The following EPB41L4B variants were observed in gnomAD, a reference collection of about 807,000 sequenced individuals.
EPB41L4B encodes band 4.1-like protein 4B.
A neutral mutation model predicts 112.5 loss-of-function variants in EPB41L4B; 30 were observed. That is an observed-to-expected ratio of 0.27 (90% CI 0.20 to 0.36). The LOEUF (loss-of-function observed/expected upper bound fraction) is 0.36. Ranked by LOEUF, EPB41L4B falls within the 10% of genes least tolerant of loss-of-function variation. The pLI, the probability that EPB41L4B is intolerant of heterozygous loss-of-function variation, is 1.00. For missense variants in EPB41L4B, 1,024 were observed against 1,133.3 expected, an observed-to-expected ratio of 0.90 and a Z score of 1.38; for synonymous variants, 408 against 439.7, an observed-to-expected ratio of 0.93 and a Z score of 0.90.
chr9:109,192,116 G>A (rs1004457818), intron 22 of EPB41L4B, among the ~76,000 whole-genome samples, 162 bp downstream of exon 22: 9 of 152,132 alleles, frequency 5.9e-5, no homozygotes, highest in Non-Finnish European at 8.8e-5. Flanking sequence ...GAGGTGGAGG[G>A]ACCCACAGTG....
intron 1 of EPB41L4B, among the ~76,000 whole-genome samples, chr9:109,314,968 C>A (rs190454955): frequency 1.3e-5 from 2 of 152,304 alleles, no homozygotes; most frequent in African/African-American, 4.8e-5. Context: ...CCCTCCCCAA[C>A]ACACTCACCC....
chr9:109,184,812 C>A lies in EPB41L4B; in HGVS notation c.2418+677G>T, dbSNP rs149847017. Reference sequence around the variant, plus strand: ...TGTTCTCCCAAATAATGACAAACTGCGAACAAAGCGCACATCCTGTAGTAA... The same window carrying A: ...TGTTCTCCCAAATAATGACAAACTGAGAACAAAGCGCACATCCTGTAGTAA... On this transcript the variant is annotated intron_variant, in intron 23 of 25. Coordinates refer to ENST00000374566, the MANE Select transcript of EPB41L4B (RefSeq NM_019114.5). Among the ~76,000 whole-genome samples the A allele has an allele frequency of 3.7e-3, 562 of 152,266 alleles. 5 individuals carry two copies. Among genetic ancestry groups the A allele is most frequent in the Non-Finnish European group, 6.8e-3 (463 of 68,020 alleles).
At chr9:109,299,442 A>AC (rs972496338) in intron 1 of EPB41L4B, among the ~76,000 whole-genome samples, 3 of 151,602 alleles carry the variant, frequency 2.0e-5, no homozygotes, top group Non-Finnish European at 4.4e-5. Context: ...TGCCTAGCTG[A>AC]TTTTTTTTCC....
In EPB41L4B at chr9:109,203,703, T is replaced by G. The variant is rs777937440; in HGVS notation, c.1906A>C (p.Asn636His). 1 of 1,614,060 alleles carries G rather than the reference T, an allele frequency of 6.2e-7. No individual in the cohort carries two copies. Among genetic ancestry groups the G allele is most frequent in the Admixed American group, 1.7e-5 (1 of 60,024 alleles). The stretch of plus-strand genomic sequence containing the variant: ...TGAAGACTGGATTTCTTATTGATAT[T>G]TACAAACGGTGATTCCTCCTTTCCA... ...QGGKEESPFVNINKKSSLQDA... is the reference protein window; with the variant it reads ...QGGKEESPFVHINKKSSLQDA... The change falls in exon 19 of 26, where the codon AAT becomes CAT. Residue 636 changes from asparagine to histidine, a missense_variant. Asn to His is a moderately conservative substitution (Grantham distance 68, BLOSUM62 1). Transcript: ENST00000374566.
intron 1 of EPB41L4B, among the ~76,000 whole-genome samples, chr9:109,316,917 T>C (rs191909412): frequency 1.5e-3 from 227 of 152,116 alleles, no homozygotes; most frequent in African/African-American, 5.3e-3. Context: ...GCCAGGGCAA[T>C]ACAGTGAGAC....
At chr9:109,285,784 C>G (rs1836251637) in intron 1 of EPB41L4B, among the ~76,000 whole-genome samples, 1 of 152,130 alleles carries the variant, frequency 6.6e-6, no homozygotes, top group Non-Finnish European at 1.5e-5. Context: ...GACACCCCAC[C>G]CGGGGCAACC....
chr9:109,288,652 G>A (rs1324658925), intron 1 of EPB41L4B, among the ~76,000 whole-genome samples: 1 of 143,238 alleles, frequency 7.0e-6, no homozygotes, highest in Non-Finnish European at 1.5e-5. Flanking sequence ...GAACCCAAAA[G>A]GCGGAGCTTG....
chr9:109,207,581 A>T (rs1257867659), intron 18 of EPB41L4B, among the ~76,000 whole-genome samples: 1 of 152,050 alleles, frequency 6.6e-6, no homozygotes, highest in Non-Finnish European at 1.5e-5. Context: ...AAAGAAAGAA[A>T]AAGAAAGAGA....
At chr9:109,222,615 G>T (rs1833619145) in intron 15 of EPB41L4B, among the ~76,000 whole-genome samples, 1 of 152,216 alleles carries the variant, frequency 6.6e-6, no homozygotes, top group African/African-American at 2.4e-5. Context: ...ACCAGAGACT[G>T]AGGTTCATGA....
At chr9:109,305,939 A>T (rs1422496058) in intron 1 of EPB41L4B, among the ~76,000 whole-genome samples, 1 of 152,100 alleles carries the variant, frequency 6.6e-6, no homozygotes, top group African/African-American at 2.4e-5. Context: ...AATATAATTA[A>T]ATTAAATTAA....
chr9:109,256,459 C>T lies in EPB41L4B; in HGVS notation c.774G>A (p.Ala258=), dbSNP rs1834987962. 1.9e-6 allele frequency: 3 copies of T among 1,614,162 alleles called. No homozygotes were observed. The highest frequency in any genetic ancestry group is 2.2e-5 in the East Asian group (1 of 44,884). The change falls in exon 8 of 26, where the codon GCG becomes GCA. Residue 258 remains alanine, a synonymous_variant. Transcript: ENST00000374566. The part of the protein sequence containing the change: ...KECRGKSPAQ[A]ELSYLNKAKW... ...TCGCTTTATTCAGATAGGAGAGTTC[C>T]GCCTGGGCAGGGCTCTTTCCCCTTA...
chr9:109,276,341 A>G (rs1324557239), intron 2 of EPB41L4B, among the ~76,000 whole-genome samples: 1 of 151,896 alleles, frequency 6.6e-6, no homozygotes, highest in African/African-American at 2.4e-5. Context: ...GTCTTGAAGG[A>G]TGGCTGGGAG....
rs746417 is a variant in EPB41L4B, at chr9:109,259,708, G to A, written c.632-1411C>T. ...AGGAGCACAGGCATGCAACAGATGAGTGGCCTATTAGTTCTCCCTTCTTTT... is the reference window on the plus strand; with the variant it reads ...AGGAGCACAGGCATGCAACAGATGAATGGCCTATTAGTTCTCCCTTCTTTT... On this transcript the variant is annotated intron_variant, in intron 6 of 25. Coordinates refer to ENST00000374566, the MANE Select transcript of EPB41L4B (RefSeq NM_019114.5). Among the ~76,000 whole-genome samples the A allele has an allele frequency of 5.7e-3, 875 of 152,326 alleles. 17 individuals are homozygous for A. In the East Asian group the frequency reaches 0.084, roughly 15 times the overall value.
In EPB41L4B at chr9:109,276,619, G is replaced by A. The variant is rs567149735; in HGVS notation, c.411+3198C>T. ...GGCCTGAGAGCCTGAGCATCTTCAG[G>A]TGTCTGGCCTGGGAAAGCCGCCTGT... On this transcript the variant is annotated intron_variant, in intron 2 of 25. Transcript: ENST00000374566. Among the ~76,000 whole-genome samples, 5 of 152,336 alleles carry A rather than the reference G, an allele frequency of 3.3e-5. No individual in the cohort carries two copies. The East Asian group carries it at 9.7e-4, about 29-fold the overall frequency.
At chr9:109,285,757 C>T (rs1197226376) in intron 1 of EPB41L4B, among the ~76,000 whole-genome samples, 1 of 152,102 alleles carries the variant, frequency 6.6e-6, no homozygotes, top group Non-Finnish European at 1.5e-5. Context: ...ACTTACTTTG[C>T]CTGCACCGCC....
chr9:109,265,099 A>G, intron 4 of EPB41L4B, 75 bp from the exon 5 acceptor site: 1 of 1,199,700 alleles, frequency 8.3e-7, no homozygotes. Context: ...TCCCACTGCA[A>G]ACCCCACCCC....
chr9:109,269,744 C>T (rs1399821144), intron 2 of EPB41L4B, among the ~76,000 whole-genome samples: 1 of 152,194 alleles, frequency 6.6e-6, no homozygotes, highest in African/African-American at 2.4e-5. Context: ...GAGTGGGCTA[C>T]TCATGAGTTA....
At position 109,194,269 on chromosome 9, in the gene EPB41L4B, C is replaced by T. The variant is rs1832565123; in HGVS notation, c.2174G>A (p.Ser725Asn). ...PLPSPKVQNV[S>N]SPHKSEGKGL... ...TTTGCCTTCTGACTTGTGAGGCGAG[C>T]TGACATTCTGGACCTTGGGGGACGG... Residue 725 changes from serine to asparagine, a missense_variant, in exon 21 of 26, where the codon AGC becomes AAC. Transcript: ENST00000374566. 1.2e-6 allele frequency: 2 copies of T among 1,614,230 alleles called. No individual in the cohort carries two copies. The highest frequency in any genetic ancestry group is 1.7e-6 in the Non-Finnish European group (2 of 1,180,040).
At chr9:109,283,209 T>G (rs573960008) in intron 1 of EPB41L4B, among the ~76,000 whole-genome samples, 2 of 152,180 alleles carry the variant, frequency 1.3e-5, no homozygotes, top group African/African-American at 2.4e-5. Flanking sequence ...CACTAAGGGC[T>G]TCTGGGCGGT....
Sources: allele counts gnomAD v4.1 joint callset (sites outside exome capture counted in the v4.1 genomes callset), GRCh38; gene constraint gnomAD v4.1.1; transcripts MANE v1.5; gene names NCBI Gene and HGNC (gene_info 2026-07-23, HGNC 2026-07-21).